Variants in RC3H1 observed in about 807,000 individuals in gnomAD.
The protein encoded by RC3H1 is ring finger and CCCH-type domains 1.
Under a neutral mutation model 138.2 loss-of-function variants are expected in RC3H1, and 50 were observed. The observed-to-expected ratio is 0.36, with a 90% CI of 0.29 to 0.46. The LOEUF (loss-of-function observed/expected upper bound fraction) is 0.46. Ranked by LOEUF, RC3H1 falls within the 20% of genes least tolerant of loss-of-function variation. RC3H1 has a pLI of 1.00. For synonymous variants in RC3H1, 462 were observed against 489.1 expected (o/e 0.94, Z 0.73); for missense variants, 1,031 against 1,388.1 (o/e 0.74, Z 4.09).
rs182881717 is a variant in RC3H1 at position 173,932,281 on chromosome 1, T to C, written c.*6440A>G. The C allele has an allele frequency of 1.3e-5, 2 of 151,996 alleles. No individual in the cohort carries two copies. Among genetic ancestry groups the C allele is most frequent in the Admixed American group, 1.3e-4 (2 of 15,264 alleles). 9.4% of individuals were successfully genotyped at this position (151,996 alleles called of 1,614,324 possible). ...AAATAAAATCCACCCAAAAAGGTGA[T>C]AATGACTGCAGAATGTCTCGGGGAG... On this transcript the variant is annotated 3_prime_UTR_variant, in exon 20 of 20. Transcript: ENST00000367696.
intron 1 of RC3H1, among the ~76,000 whole-genome samples, chr1:174,015,051 T>C (rs1012008518): frequency 3.3e-5 from 5 of 152,202 alleles, no homozygotes; most frequent in Admixed American, 3.3e-4. Context: ...CTAATGTGAC[T>C]TTTTTCCTGC....
At position 174,017,783 on chromosome 1, in the gene RC3H1, C is replaced by CCAAA. The variant is rs1165317766; in HGVS notation, c.-151+4312_-151+4313insTTTG. Reference sequence around the variant, plus strand: ...ACCCCTTTAGAACTCTTTTCTTGCTCAAAAAAAAAAAAAAAAAAAAAAAAA... The same window carrying CCAAA: ...ACCCCTTTAGAACTCTTTTCTTGCTCCAAAAAAAAAAAAAAAAAAAAAAAAAAAA... On this transcript the variant is annotated intron_variant, in intron 1 of 19. Coordinates refer to ENST00000367696, the MANE Select transcript of RC3H1 (RefSeq NM_172071.4). Among the ~76,000 whole-genome samples the CCAAA allele has an allele frequency of 9.7e-5, 7 of 72,034 alleles. 1 individual carries two copies. Among genetic ancestry groups the CCAAA allele is most frequent in the African/African-American group, 4.0e-4 (7 of 17,530 alleles). 47.3% of individuals were successfully genotyped at this position (72,034 alleles called of 152,430 possible).
chr1:173,951,979 C>T lies in RC3H1; in HGVS notation c.2523+7G>A. Reference sequence around the variant, plus strand: ...TGTATTAATTATTGCTTAGCTATTACACATACCATCATTTCCACACTCCCT... The same window carrying T: ...TGTATTAATTATTGCTTAGCTATTATACATACCATCATTTCCACACTCCCT... On this transcript the variant is annotated splice_region_variant and intron_variant, in intron 14 of 19. Coordinates refer to ENST00000367696, the MANE Select transcript of RC3H1 (RefSeq NM_172071.4). The T allele has an allele frequency of 6.2e-7, 1 of 1,601,150 alleles. No homozygotes were observed. Among genetic ancestry groups the T allele is most frequent in the Non-Finnish European group, 8.5e-7 (1 of 1,175,202 alleles).
At chr1:174,017,770 C>A (rs1661885266) in intron 1 of RC3H1, among the ~76,000 whole-genome samples, 1 of 104,542 alleles carries the variant, frequency 9.6e-6, no homozygotes, top group African/African-American at 4.7e-5. Flanking sequence ...CCCTTTAGAA[C>A]TCTTTTCTTG....
At chr1:173,948,835 C>T (rs1266887832) in intron 14 of RC3H1, among the ~76,000 whole-genome samples, 1 of 152,106 alleles carries the variant, frequency 6.6e-6, no homozygotes, top group Non-Finnish European at 1.5e-5. Flanking sequence ...ATCCTCCCAC[C>T]TTGGCCTCCC....
chr1:173,981,137 C>A, intron 5 of RC3H1, 128 bp from the exon 6 acceptor site: 1 of 742,538 alleles, frequency 1.3e-6, no homozygotes, highest in South Asian at 1.9e-5. Flanking sequence ...CATTTGCCTG[C>A]AAAATATTTT....
At chr1:173,953,039 A>G (rs1659483956) in intron 13 of RC3H1, among the ~76,000 whole-genome samples, 1 of 152,128 alleles carries the variant, frequency 6.6e-6, no homozygotes, top group Non-Finnish European at 1.5e-5. Context: ...GCCTCCCGCT[A>G]TACTAAAAAC....
At chr1:174,005,003 G>A (rs745460615) in intron 1 of RC3H1, among the ~76,000 whole-genome samples, 26 of 152,078 alleles carry the variant, frequency 1.7e-4, no homozygotes, top group Non-Finnish European at 2.5e-4. Flanking sequence ...AACATATATA[G>A]GACAGCTTCC....
At position 173,935,362 on chromosome 1, in the gene RC3H1, G is replaced by A. The variant is rs1179353555; in HGVS notation, c.*3359C>T. The A allele has an allele frequency of 1.3e-5, 2 of 151,724 alleles. No homozygotes were observed. Among genetic ancestry groups the A allele is most frequent in the South Asian group, 2.1e-4 (1 of 4,814 alleles). The allele number at this position is 151,724 out of a possible 1,614,324, so 9.4% of individuals were successfully genotyped here. ...AAGTCAAAATACTTTTATATTTCTC[G>A]CTATAAATAAAATTCCCTCACCTAT... On this transcript the variant is annotated 3_prime_UTR_variant, in exon 20 of 20. Coordinates refer to ENST00000367696, the MANE Select transcript of RC3H1 (RefSeq NM_172071.4).
intron 1 of RC3H1, among the ~76,000 whole-genome samples, chr1:173,993,758 G>T (rs966453175): frequency 2.0e-5 from 3 of 151,200 alleles, no homozygotes; most frequent in African/African-American, 7.3e-5. Context: ...GGTGGCTCAC[G>T]CCTGTAATCC....
chr1:174,002,173 G>A (rs1232961870), intron 1 of RC3H1, among the ~76,000 whole-genome samples: 2 of 152,038 alleles, frequency 1.3e-5, no homozygotes, highest in African/African-American at 4.8e-5. Context: ...TTGAAGATGA[G>A]GCCAAATATT....
intron 13 of RC3H1, among the ~76,000 whole-genome samples, chr1:173,953,044 A>G (rs921262714): frequency 6.6e-6 from 1 of 152,160 alleles, no homozygotes; most frequent in Non-Finnish European, 1.5e-5. Flanking sequence ...CCGCTATACT[A>G]AAAACATCTC....
chr1:173,954,950 G>C (rs539019265), intron 13 of RC3H1, among the ~76,000 whole-genome samples: 1 of 151,930 alleles, frequency 6.6e-6, no homozygotes, highest in Non-Finnish European at 1.5e-5. Context: ...TCTTAGGCTG[G>C]GTGTGGTGGC....
chr1:173,982,991 C>A, intron 4 of RC3H1, 89 bp from the exon 5 acceptor site: 1 of 1,210,348 alleles, frequency 8.3e-7, no homozygotes, highest in East Asian at 2.4e-5. Context: ...ATCATTTCTG[C>A]AGCTATTCAA....
intron 1 of RC3H1, among the ~76,000 whole-genome samples, chr1:174,018,082 C>T (rs868208628): frequency 2.6e-5 from 4 of 151,942 alleles, no homozygotes; most frequent in Non-Finnish European, 4.4e-5. Flanking sequence ...CCAGGTAAGG[C>T]GGGAATAACA....
chr1:173,950,804 G>T (rs1055368434), intron 14 of RC3H1, among the ~76,000 whole-genome samples: 8 of 151,932 alleles, frequency 5.3e-5, no homozygotes, highest in Non-Finnish European at 1.2e-4. Flanking sequence ...AGGGAGAGGC[G>T]GGAGGATCAC....
intron 19 of RC3H1, among the ~76,000 whole-genome samples, chr1:173,939,302 C>T (rs1658729671): frequency 6.6e-6 from 1 of 151,862 alleles, no homozygotes; most frequent in Non-Finnish European, 1.5e-5. Flanking sequence ...CTTTCGGAGG[C>T]CAAGGCAGGT....
At chr1:173,940,779 T>G (rs1203288445) in intron 19 of RC3H1, among the ~76,000 whole-genome samples, 1 of 152,128 alleles carries the variant, frequency 6.6e-6, no homozygotes, top group Non-Finnish European at 1.5e-5. Flanking sequence ...AACAGATAAT[T>G]CAACCTTGGA....
rs1231752444 is a variant in RC3H1, at chr1:173,954,069, C to T, written c.2371-1931G>A. On this transcript the variant is annotated intron_variant, in intron 13 of 19. Coordinates refer to ENST00000367696, the MANE Select transcript of RC3H1 (RefSeq NM_172071.4). ...ATAATAATAATAATAATACAGAGAT[C>T]CAACAATCCCACTACTGGGCATTCA... 3.9e-5 allele frequency among the ~76,000 whole-genome samples: 6 copies of T among 151,916 alleles called. 1 individual carries two copies. The East Asian group carries it at 1.2e-3, about 29-fold the overall frequency.
Sources: allele counts gnomAD v4.1 joint callset (sites outside exome capture counted in the v4.1 genomes callset), GRCh38; gene constraint gnomAD v4.1.1; transcripts MANE v1.5; gene names NCBI Gene and HGNC (gene_info 2026-07-23, HGNC 2026-07-21).